The following GIPR variants were observed in gnomAD, a reference collection of about 807,000 sequenced individuals.
GIPR encodes gastric inhibitory polypeptide receptor, also known as GIP-R.
GIPR carries 74 observed loss-of-function variants against 62.2 expected under a neutral mutation model. That is an observed-to-expected ratio of 1.19 (90% CI 0.99 to 1.44). The LOEUF is 1.44. Ranked by LOEUF, GIPR falls within the 40% of genes most tolerant of loss-of-function variation. The pLI, the probability that GIPR is intolerant of heterozygous loss-of-function variation, is 0.00. For synonymous variants in GIPR, 256 were observed against 262.2 expected (o/e 0.98, Z 0.23); for missense variants, 664 against 611.8 (o/e 1.09, Z -0.90).
At chr19:45,668,737 G>A (rs1243787079) in intron 1 of GIPR, among the ~76,000 whole-genome samples, 1 of 152,240 alleles carries the variant, frequency 6.6e-6, no homozygotes, top group Non-Finnish European at 1.5e-5. Flanking sequence ...AGCCGCGGGG[G>A]CGCGGGTGAG....
chr19:45,670,968 C>A (rs757925907), intron 3 of GIPR, among the ~76,000 whole-genome samples: 3 of 149,518 alleles, frequency 2.0e-5, no homozygotes, highest in Admixed American at 6.7e-5. Flanking sequence ...AGAAATAAAC[C>A]TTGAAGGGGG....
At chr19:45,669,260 G>T (rs1975410842) in intron 1 of GIPR, among the ~76,000 whole-genome samples, 1 of 152,086 alleles carries the variant, frequency 6.6e-6, no homozygotes, top group South Asian at 2.1e-4. Flanking sequence ...TCACTTAAGG[G>T]GCCCCGCCCA....
intron 2 of GIPR, 115 bp from the exon 3 acceptor site, chr19:45,670,520 G>C: frequency 1.4e-6 from 1 of 690,326 alleles, no homozygotes; most frequent in South Asian, 1.8e-5. Context: ...CAAGACTCCC[G>C]AACAACACGC....
At position 45,678,164 on chromosome 19, in the gene GIPR, C is replaced by G. The variant is rs201866455; in HGVS notation, c.1090C>G (p.Gln364Glu). ...GGTGTTTGCTCCCGTGACAGAGGAACAGGCCCGGGGCGCCCTGCGCTTCGC... is the reference window on the plus strand; with the variant it reads ...GGTGTTTGCTCCCGTGACAGAGGAAGAGGCCCGGGGCGCCCTGCGCTTCGC... ...EVVFAPVTEE[Q>E]ARGALRFAKL... Residue 364 changes from glutamine (Q) to glutamate (E), a missense_variant, in exon 12 of 14, where the codon CAG becomes GAG. Transcript: ENST00000590918. 1 of 1,606,390 alleles carries G rather than the reference C, an allele frequency of 6.2e-7. No individual in the cohort carries two copies. The highest frequency in any genetic ancestry group is 8.5e-7 in the Non-Finnish European group (1 of 1,177,190).
Position 45,677,999 on chromosome 19 carries a change from G to C in GIPR, c.1013+5G>C. On this transcript the variant is annotated splice_donor_5th_base_variant and intron_variant, in intron 11 of 13. Coordinates refer to ENST00000590918, the MANE Select transcript of GIPR (RefSeq NM_000164.4). ...CTGCCGGGATTACCGGCTGAGGTGA[G>C]GGCATGCGTTGGGGACCGAGGGGAA... The C allele has an allele frequency of 6.2e-7, 1 of 1,613,456 alleles. No individual in the cohort carries two copies. Among genetic ancestry groups the C allele is most frequent in the Non-Finnish European group, 8.5e-7 (1 of 1,180,000 alleles).
chr19:45,678,368 TC>T (rs1967067916), intron 12 of GIPR, 142 bp downstream of exon 12: 4 of 1,001,524 alleles, frequency 4.0e-6, no homozygotes, highest in Non-Finnish European at 5.9e-6. Flanking sequence ...ATTAATTCAT[TC>T]TTTTTTTTTT....
chr19:45,674,649 G>A, intron 6 of GIPR, 33 bp from the exon 7 acceptor site: 1 of 1,611,342 alleles, frequency 6.2e-7, no homozygotes, highest in Non-Finnish European at 8.5e-7. Flanking sequence ...CAGCTCTCCA[G>A]GGGCCCCCAC....
chr19:45,671,644 G>A (rs928109081), intron 4 of GIPR, among the ~76,000 whole-genome samples: 2 of 152,172 alleles, frequency 1.3e-5, no homozygotes, highest in African/African-American at 4.8e-5. Context: ...CTATCGCCCA[G>A]GCTGGAGTGC....
chr19:45,670,771 G>C lies in GIPR; in HGVS notation c.172+37G>C, dbSNP rs771111683. On this transcript the variant is annotated intron_variant, in intron 3 of 13. Transcript: ENST00000590918. Reference sequence around the variant, plus strand: ...AGGGCTGGGGACGCGGGGAGGACCTGAGGCTGAGAGGGGTGGGCTTGGGAT... The same window carrying C: ...AGGGCTGGGGACGCGGGGAGGACCTCAGGCTGAGAGGGGTGGGCTTGGGAT... 10 of 1,268,028 alleles carry C rather than the reference G, an allele frequency of 7.9e-6. 1 individual carries two copies. In the South Asian group the frequency reaches 1.1e-4, roughly 14 times the overall value. 78.5% of individuals were successfully genotyped at this position (1,268,028 alleles called of 1,614,324 possible).
chr19:45,674,515 G>C, intron 6 of GIPR, 167 bp from the exon 7 acceptor site: 1 of 683,322 alleles, frequency 1.5e-6, no homozygotes, highest in Non-Finnish European at 2.6e-6. Flanking sequence ...GCTGAGACAG[G>C]AGGATTGCTT....
intron 3 of GIPR, 142 bp from the exon 4 acceptor site, chr19:45,671,143 G>A (rs1975516157): frequency 1.4e-6 from 1 of 691,976 alleles, no homozygotes; most frequent in East Asian, 2.6e-5. Context: ...CCTCCGAGTG[G>A]GCGGGGCTAG....
At chr19:45,674,366 GGGATGCCAAGGCAGGAGGATCGCTT>G (rs1363081839) in intron 6 of GIPR, 189 bp downstream of exon 6, 1 of 672,090 alleles carries the variant, frequency 1.5e-6, no homozygotes. Context: ...CCAGCTCTTT[GGGATGCCAAGGCAGGAGGATCGCTT>G]GAGCCCAGGA....
intron 7 of GIPR, 153 bp downstream of exon 7, chr19:45,674,979 G>T: frequency 1.4e-6 from 1 of 694,436 alleles, no homozygotes; most frequent in Non-Finnish European, 2.5e-6. Flanking sequence ...GGGGGATCAA[G>T]ACACATTTGG....
In GIPR at chr19:45,681,605, G is replaced by C. The variant is rs779746611; in HGVS notation, c.1154G>C (p.Gly385Ala). ...AACCTCCGCGCCTCCTCTGGGCAGG[G>C]CTTCCTGGTCAGCGTCCTCTACTGC... ...GFEIFLSSFQGFLVSVLYCFI... is the reference protein window; with the variant it reads ...GFEIFLSSFQAFLVSVLYCFI... Residue 385 changes from glycine (G) to alanine (A), a missense_variant and splice_region_variant, in exon 13 of 14, where the codon GGC (glycine) becomes GCC (alanine). Transcript: ENST00000590918. The C allele has an allele frequency of 6.2e-7, 1 of 1,613,814 alleles. No individual in the cohort carries two copies. Among genetic ancestry groups the C allele is most frequent in the Non-Finnish European group, 8.5e-7 (1 of 1,179,930 alleles).
In GIPR at chr19:45,683,050, G is replaced by C. The variant is rs1371689472; in HGVS notation, c.*1115G>C. On this transcript the variant is annotated 3_prime_UTR_variant, in exon 14 of 14. Transcript: ENST00000590918. ...GGTGGAGGTGAGAGGATTTCATGAA[G>C]GAGCACATGAGGACACAGCAGCAGA... 6.5e-6 allele frequency: 1 copy of C among 152,878 alleles called. No individual in the cohort carries two copies. Among genetic ancestry groups the C allele is most frequent in the Non-Finnish European group, 1.5e-5 (1 of 68,358 alleles). 9.5% of individuals were successfully genotyped at this position (152,878 alleles called of 1,614,324 possible).
At position 45,678,092 on chromosome 19, in the gene GIPR, G is replaced by A; in HGVS notation, c.1018G>A (p.Ala340Thr). Residue 340 changes from alanine (A) to threonine (T), a missense_variant, in exon 12 of 14, where the codon GCT (alanine) becomes ACT (threonine). By Grantham distance (58) the Ala-to-Thr change is moderately conservative. Transcript: ENST00000590918. ...GCTGCCGCCCTCTCTCCCCAGGCTG[G>A]CTCGCTCCACGCTGACGCTGGTGCC... is the stretch of plus-strand genomic sequence containing the variant. The part of the protein sequence containing the change: ...MRCRDYRLRL[A>T]RSTLTLVPLL... 2 of 1,612,404 alleles carry A rather than the reference G, an allele frequency of 1.2e-6. No homozygotes were observed. The highest frequency in any genetic ancestry group is 2.2e-5 in the South Asian group (2 of 91,060).
At chr19:45,673,031 C>T in intron 5 of GIPR, 77 bp downstream of exon 5, 1 of 860,610 alleles carries the variant, frequency 1.2e-6, no homozygotes, top group Middle Eastern at 2.3e-4. Flanking sequence ...GGGCCTGAAA[C>T]CCCTTGGACT....
intron 1 of GIPR, 35 bp from the exon 2 acceptor site, chr19:45,669,442 G>A (rs1034468677): frequency 2.0e-6 from 3 of 1,533,836 alleles, no homozygotes; most frequent in Non-Finnish European, 1.7e-6. Flanking sequence ...GGAGTAGGAG[G>A]GCAGAGGTGC....
rs892233399 is a variant in GIPR, at chr19:45,672,729, T to A, written c.281-122T>A. 5 of 711,112 alleles carry A rather than the reference T, an allele frequency of 7.0e-6. No homozygotes were observed. The South Asian group carries it at 7.5e-5, about 11-fold the overall frequency. 44.1% of individuals were successfully genotyped at this position (711,112 alleles called of 1,614,324 possible). A position where few individuals can be genotyped will look rare whatever the true frequency, so the allele number is the denominator to read the frequency against. ...GCCATATAAGGGTTTATCATCATCA[T>A]CATCATCATCATCATCATCACCACT... is the stretch of plus-strand genomic sequence containing the variant. On this transcript the variant is annotated intron_variant, in intron 4 of 13. Transcript: ENST00000590918.
Sources: allele counts gnomAD v4.1 joint callset (sites outside exome capture counted in the v4.1 genomes callset), GRCh38; gene constraint gnomAD v4.1.1; transcripts MANE v1.5; gene names NCBI Gene and HGNC (gene_info 2026-07-23, HGNC 2026-07-21).